The following JPH3 variants were observed in gnomAD, a reference collection of about 807,000 sequenced individuals.
The protein encoded by JPH3 is junctophilin-3.
Under a neutral mutation model 59.6 loss-of-function variants are expected in JPH3, and 11 were observed. That is an observed-to-expected ratio of 0.18 (90% CI 0.12 to 0.31). JPH3 has a LOEUF of 0.31. Among genes scored for constraint, JPH3 ranks in the 10% least tolerant of loss-of-function variants. JPH3 has a pLI of 1.00. For synonymous variants in JPH3, 673 were observed against 483.6 expected, an observed-to-expected ratio of 1.39 and a Z score of -5.14; for missense variants, 1,202 against 1,105.7, an observed-to-expected ratio of 1.09 and a Z score of -1.24.
chr16:87,617,350 T>C (rs765481330), intron 1 of JPH3, among the ~76,000 whole-genome samples: 1 of 152,058 alleles, frequency 6.6e-6, no homozygotes, highest in Non-Finnish European at 1.5e-5. Context: ...GCATCTGGGG[T>C]GTCTCCAGCG....
chr16:87,644,586 A>G lies in JPH3; in HGVS notation c.711A>G (p.Gln237=). 1 of 1,612,894 alleles carries G rather than the reference A, an allele frequency of 6.2e-7. No individual in the cohort carries two copies. The highest frequency in any genetic ancestry group is 8.5e-7 in the Non-Finnish European group (1 of 1,179,838). The change falls in exon 2 of 5, where the codon CAA becomes CAG. Residue 237 remains glutamine, a synonymous_variant. Coordinates refer to ENST00000284262, the MANE Select transcript of JPH3 (RefSeq NM_020655.4). ...AGTCCAAGAGCAGCCTGGCCAGCCAACGCAGCAAGCAGAGCTCCTTTCGCA... is the reference window on the plus strand; with the variant it reads ...AGTCCAAGAGCAGCCTGGCCAGCCAGCGCAGCAAGCAGAGCTCCTTTCGCA... The part of the protein sequence containing the change: ...KSESKSSLAS[Q]RSKQSSFRSE...
intron 1 of JPH3, among the ~76,000 whole-genome samples, chr16:87,640,213 C>A (rs990037571): frequency 4.0e-5 from 6 of 151,648 alleles, no homozygotes; most frequent in Non-Finnish European, 7.4e-5. Flanking sequence ...CCTGTAGTCC[C>A]AGCTACTCAG....
intron 2 of JPH3, among the ~76,000 whole-genome samples, chr16:87,647,301 C>T (rs1402537359): frequency 6.6e-6 from 1 of 151,818 alleles, no homozygotes; most frequent in Non-Finnish European, 1.5e-5. Context: ...GTCCCCAGCC[C>T]TTGGGACGCT....
intron 1 of JPH3, among the ~76,000 whole-genome samples, chr16:87,640,717 A>G (rs2031921169): frequency 1.3e-5 from 2 of 152,182 alleles, no homozygotes; most frequent in African/African-American, 2.4e-5. Context: ...AAATATAAGT[A>G]TGTCCCATGC....
intron 1 of JPH3, among the ~76,000 whole-genome samples, chr16:87,634,229 A>G (rs6540064): frequency 0.35 from 52,957 of 151,952 alleles, 9,807 homozygotes; most frequent in African/African-American, 0.45. Flanking sequence ...CTGGTCCCTG[A>G]TCTGTGAGGG....
rs563668117 is a variant in JPH3 at position 87,644,135 on chromosome 16, C to G, written c.383-123C>G. Reference sequence around the variant, plus strand: ...CCTGGGCAACACAGCGAGAACCTGTCTCAAAAAACACAAAACAACAGGAAG... The same window carrying G: ...CCTGGGCAACACAGCGAGAACCTGTGTCAAAAAACACAAAACAACAGGAAG... On this transcript the variant is annotated intron_variant, in intron 1 of 4. Transcript: ENST00000284262. 89 of 1,083,278 alleles carry G rather than the reference C, an allele frequency of 8.2e-5. 1 individual carries two copies. The South Asian group carries it at 1.0e-3, about 12-fold the overall frequency. The allele number at this position is 1,083,278 out of a possible 1,614,324, so 67.1% of individuals were successfully genotyped here. A position where few individuals can be genotyped will look rare whatever the true frequency, so the allele number is the denominator to read the frequency against.
intron 1 of JPH3, among the ~76,000 whole-genome samples, chr16:87,607,004 A>G (rs1274501331): frequency 6.6e-6 from 1 of 152,182 alleles, no homozygotes; most frequent in Non-Finnish European, 1.5e-5. Flanking sequence ...CGTCACACTC[A>G]GGACAGCCAT....
chr16:87,627,394 C>G (rs1189463795), intron 1 of JPH3, among the ~76,000 whole-genome samples: 1 of 152,204 alleles, frequency 6.6e-6, no homozygotes, highest in East Asian at 1.9e-4. Flanking sequence ...TTCTGTAGGC[C>G]TCTGCATGCT....
intron 1 of JPH3, among the ~76,000 whole-genome samples, chr16:87,632,551 G>T (rs1411172563): frequency 6.6e-6 from 1 of 152,106 alleles, no homozygotes; most frequent in Non-Finnish European, 1.5e-5. Flanking sequence ...GCCCCTCCTG[G>T]GCTGAAGCAG....
intron 2 of JPH3, among the ~76,000 whole-genome samples, chr16:87,652,949 C>A (rs979444623): frequency 6.6e-6 from 1 of 152,206 alleles, no homozygotes; most frequent in African/African-American, 2.4e-5. Flanking sequence ...TGTCACCAGG[C>A]AGGCTCTTCT....
chr16:87,643,671 C>T (rs2032031705), intron 1 of JPH3, among the ~76,000 whole-genome samples: 1 of 152,200 alleles, frequency 6.6e-6, no homozygotes, highest in East Asian at 1.9e-4. Flanking sequence ...CTGTGGTCCT[C>T]ACTCTGCACC....
chr16:87,617,586 G>A (rs952098128), intron 1 of JPH3, among the ~76,000 whole-genome samples: 1 of 150,658 alleles, frequency 6.6e-6, no homozygotes, highest in Non-Finnish European at 1.5e-5. Context: ...CTAGGGAGGG[G>A]TGCCTGTGTC....
chr16:87,683,333 CTT>C (rs2150874333), intron 2 of JPH3, among the ~76,000 whole-genome samples: 1 of 150,676 alleles, frequency 6.6e-6, no homozygotes, highest in East Asian at 1.9e-4. Context: ...GAGATGGAGT[CTT>C]GCTCTGTCAC....
chr16:87,696,540 C>A lies in JPH3; in HGVS notation c.2167-40C>A, dbSNP rs190265353. 2,288 of 1,565,730 alleles carry A rather than the reference C, an allele frequency of 1.5e-3. 39 individuals are homozygous for A. In the African/African-American group the frequency reaches 0.028, roughly 19 times the overall value. On this transcript the variant is annotated intron_variant, in intron 4 of 4. Transcript: ENST00000284262. ...GGCGTGGTGGCCCAGGCAGAGCCCC[C>A]CGCAGCTGTCGCTCACCTCTTCCCC...
chr16:87,676,249 G>GT (rs1316375235), intron 2 of JPH3, among the ~76,000 whole-genome samples: 1 of 152,216 alleles, frequency 6.6e-6, no homozygotes, highest in Non-Finnish European at 1.5e-5. Context: ...CAAGGACCTT[G>GT]TTTGTGTCTC....
At position 87,690,143 on chromosome 16, in the gene JPH3, C is replaced by G; in HGVS notation, c.1783C>G (p.Pro595Ala). 1.3e-6 allele frequency: 2 copies of G among 1,596,036 alleles called. No homozygotes were observed. Among genetic ancestry groups the G allele is most frequent in the Non-Finnish European group, 1.7e-6 (2 of 1,171,652 alleles). ...CCACCACCGGGCCAGCAACCACAGC[C>G]CCGGAGGCTCCAGGCTGCTGGAGCT... Reference protein sequence around the residue: ...TSHHRASNHSPGGSRLLELQE... With the variant: ...TSHHRASNHSAGGSRLLELQE... The change falls in exon 4 of 5, where the codon CCC (proline) becomes GCC (alanine). Residue 595 changes from proline (P) to alanine (A), a missense_variant. Transcript: ENST00000284262.
intron 4 of JPH3, chr16:87,693,552 G>T (rs887335381): frequency 1.3e-5 from 2 of 152,278 alleles, no homozygotes; most frequent in African/African-American, 4.8e-5. Flanking sequence ...GCACACGCCT[G>T]TAATTCCAGC....
chr16:87,658,812 C>T (rs1464495450), intron 2 of JPH3, among the ~76,000 whole-genome samples: 2 of 152,264 alleles, frequency 1.3e-5, no homozygotes, highest in African/African-American at 2.4e-5. Context: ...TGGATTGGGG[C>T]TTGCTGTGGG....
chr16:87,622,527 G>T (rs1360421733), intron 1 of JPH3, among the ~76,000 whole-genome samples: 1 of 152,216 alleles, frequency 6.6e-6, no homozygotes, highest in African/African-American at 2.4e-5. Context: ...TGGCAGGGCC[G>T]GGAAGTAGAG....
Sources: gnomAD v4.1 joint callset for allele counts (sites outside exome capture counted in the v4.1 genomes callset) on GRCh38, gnomAD v4.1.1 for gene constraint, MANE v1.5 for transcripts, NCBI Gene and HGNC (gene_info 2026-07-23, HGNC 2026-07-21) for gene names.